ROBO1: variants seen among roughly 807,000 people sequenced by gnomAD.
ROBO1 encodes roundabout guidance receptor 1.
In ROBO1, 149 loss-of-function variants were observed where a neutral mutation model predicts 195.9. The ratio of observed to expected loss-of-function variants is 0.76; its 90% CI spans 0.67 to 0.87. ROBO1 has a LOEUF of 0.87. Ranked by LOEUF, ROBO1 falls within the 40% of genes least tolerant of loss-of-function variation. ROBO1 has a pLI of 0.00. For synonymous variants in ROBO1, 816 were observed against 733.2 expected, an observed-to-expected ratio of 1.11 and a Z score of -1.82; for missense variants, 1,933 against 2,068.3, an observed-to-expected ratio of 0.93 and a Z score of 1.27.
chr3:79,617,207 G>T (rs182612431), intron 1 of ROBO1, among the ~76,000 whole-genome samples: 112 of 152,222 alleles, frequency 7.4e-4, no homozygotes, highest in African/African-American at 2.6e-3. Context: ...GTCATAGTAT[G>T]TGCTTCTGGT....
intron 3 of ROBO1, among the ~76,000 whole-genome samples, chr3:79,053,046 AC>A: frequency 6.6e-6 from 1 of 152,108 alleles, no homozygotes; most frequent in East Asian, 1.9e-4. Flanking sequence ...TGAAAAAGGA[AC>A]CTTAGATGTA....
chr3:78,932,922 A>G (rs1233696594), intron 4 of ROBO1, among the ~76,000 whole-genome samples: 1 of 152,142 alleles, frequency 6.6e-6, no homozygotes, highest in Non-Finnish European at 1.5e-5. Flanking sequence ...TAAGCTTATA[A>G]ATCATCTTAG....
chr3:79,372,624 A>C (rs2109343339), intron 2 of ROBO1, among the ~76,000 whole-genome samples: 1 of 152,240 alleles, frequency 6.6e-6, no homozygotes, highest in Middle Eastern at 3.4e-3. Flanking sequence ...CACACACAAA[A>C]GAAGTCATGT....
intron 2 of ROBO1, among the ~76,000 whole-genome samples, chr3:79,532,627 A>G (rs941075879): frequency 3.0e-5 from 3 of 100,388 alleles, no homozygotes; most frequent in African/African-American, 1.1e-4. Flanking sequence ...TTTCTCACAT[A>G]TTATTAAAAA....
intron 4 of ROBO1, among the ~76,000 whole-genome samples, chr3:78,922,836 G>A (rs2107606442): frequency 6.6e-6 from 1 of 151,776 alleles, no homozygotes; most frequent in Admixed American, 6.6e-5. Flanking sequence ...GACCTCAAGG[G>A]ATCCACCCGC....
chr3:79,038,021 C>T (rs1032815001), intron 3 of ROBO1, among the ~76,000 whole-genome samples: 24 of 152,070 alleles, frequency 1.6e-4, no homozygotes, highest in African/African-American at 5.8e-4. Flanking sequence ...GATTTAAACT[C>T]ATCTGAAGCA....
chr3:79,433,104 C>T (rs1034302535), intron 2 of ROBO1, among the ~76,000 whole-genome samples: 3 of 152,114 alleles, frequency 2.0e-5, no homozygotes, highest in African/African-American at 7.2e-5. Flanking sequence ...TGCCTTGCTG[C>T]ACAGATCATC....
At chr3:79,629,843 A>G (rs986683708) in intron 1 of ROBO1, among the ~76,000 whole-genome samples, 3 of 152,112 alleles carry the variant, frequency 2.0e-5, no homozygotes, top group Non-Finnish European at 4.4e-5. Context: ...ATAAAATATC[A>G]GAGGCTACTA....
At chr3:79,296,839 TC>T (rs1361300450) in intron 2 of ROBO1, among the ~76,000 whole-genome samples, 1 of 152,134 alleles carries the variant, frequency 6.6e-6, no homozygotes, top group Non-Finnish European at 1.5e-5. Flanking sequence ...TGCTTGTTAT[TC>T]CCCATCTTTT....
chr3:79,188,809 G>A (rs558342419), intron 2 of ROBO1, among the ~76,000 whole-genome samples: 1 of 151,868 alleles, frequency 6.6e-6, no homozygotes, highest in South Asian at 2.1e-4. Context: ...CTGTCTGAAT[G>A]TTTTTGTGTC....
chr3:79,538,508 G>T (rs906012748), intron 2 of ROBO1, among the ~76,000 whole-genome samples: 1 of 152,060 alleles, frequency 6.6e-6, no homozygotes, highest in Non-Finnish European at 1.5e-5. Context: ...GGTTGTGTCA[G>T]CTGTGCTTAC....
At chr3:79,059,472 C>G (rs1011817368) in intron 3 of ROBO1, among the ~76,000 whole-genome samples, 2 of 151,964 alleles carry the variant, frequency 1.3e-5, no homozygotes, top group African/African-American at 2.4e-5. Context: ...AATGAACAAG[C>G]CTTCATTGCC....
intron 2 of ROBO1, among the ~76,000 whole-genome samples, chr3:79,240,943 CATTTTTTTAACTTT>C (rs1333492145): frequency 3.9e-5 from 6 of 152,072 alleles, no homozygotes; most frequent in African/African-American, 1.4e-4. Flanking sequence ...TGCCATGCCT[CATTTTTTTAACTTT>C]GAAAATATAG....
intron 2 of ROBO1, among the ~76,000 whole-genome samples, chr3:79,243,557 T>C (rs2082564163): frequency 6.6e-6 from 1 of 152,012 alleles, no homozygotes; most frequent in South Asian, 2.1e-4. Flanking sequence ...CTCACTGTGG[T>C]TTTGATTTGC....
chr3:79,117,653 T>C (rs183339099), intron 3 of ROBO1, among the ~76,000 whole-genome samples: 2 of 152,340 alleles, frequency 1.3e-5, no homozygotes, highest in African/African-American at 2.4e-5. Context: ...TACCCACGTA[T>C]ATCACTGCAA....
At chr3:79,049,877 C>T (rs941857092) in intron 3 of ROBO1, among the ~76,000 whole-genome samples, 1 of 152,094 alleles carries the variant, frequency 6.6e-6, no homozygotes, top group Non-Finnish European at 1.5e-5. Context: ...ACCTGCCCTA[C>T]AAGAGCTCCT....
chr3:78,960,829 C>G (rs985982298), intron 3 of ROBO1, among the ~76,000 whole-genome samples: 1 of 127,542 alleles, frequency 7.8e-6, no homozygotes, highest in Non-Finnish European at 1.7e-5. Context: ...CACACACACA[C>G]ACACAAAATG....
intron 4 of ROBO1, among the ~76,000 whole-genome samples, chr3:78,893,945 C>A (rs1266384858): frequency 1.3e-5 from 2 of 152,026 alleles, no homozygotes; most frequent in African/African-American, 4.8e-5. Flanking sequence ...CCTTAGCTTC[C>A]CTATTCATAA....
intron 4 of ROBO1, among the ~76,000 whole-genome samples, chr3:78,753,101 TAAC>T (rs1331226173): frequency 2.6e-5 from 4 of 152,120 alleles, no homozygotes; most frequent in Non-Finnish European, 5.9e-5. Flanking sequence ...CATTATATGA[TAAC>T]AACGTAACAT....
Sources: gnomAD v4.1 joint callset for allele counts (sites outside exome capture counted in the v4.1 genomes callset) on GRCh38, gnomAD v4.1.1 for gene constraint, MANE v1.5 for transcripts, NCBI Gene and HGNC (gene_info 2026-07-23, HGNC 2026-07-21) for gene names.